The following CUZD1 variants were observed in gnomAD, a reference collection of about 807,000 sequenced individuals.
The protein encoded by CUZD1 is CUB and zona pellucida-like domain-containing protein 1.
A neutral mutation model predicts 53.1 loss-of-function variants in CUZD1; 42 were observed. That is an observed-to-expected ratio of 0.79 (90% CI 0.62 to 1.02). The LOEUF (loss-of-function observed/expected upper bound fraction) is 1.02, where lower values mean the gene tolerates loss of function less well. Among genes scored for constraint, CUZD1 ranks in the 50% least tolerant of loss-of-function variants. CUZD1 has a pLI of 0.00. For synonymous variants in CUZD1, 238 were observed against 257.2 expected, an observed-to-expected ratio of 0.93 and a Z score of 0.71; for missense variants, 670 against 715.7, an observed-to-expected ratio of 0.94 and a Z score of 0.73.
intron 1 of CUZD1, among the ~76,000 whole-genome samples, chr10:122,843,822 T>TATATATATATATAC (rs1847385290): frequency 6.8e-6 from 1 of 147,204 alleles, no homozygotes; most frequent in African/African-American, 2.5e-5. Flanking sequence ...TATATATATA[T>TATATATATATATAC]ATATATATAT....
intron 2 of CUZD1, among the ~76,000 whole-genome samples, chr10:122,840,889 G>T (rs1046731652): frequency 6.6e-6 from 1 of 152,156 alleles, no homozygotes; most frequent in African/African-American, 2.4e-5. Context: ...TTCTAACTCT[G>T]GTCATGCTAT....
chr10:122,832,788 A>C (rs1847179748), intron 8 of CUZD1, among the ~76,000 whole-genome samples: 3 of 152,140 alleles, frequency 2.0e-5, no homozygotes, highest in Non-Finnish European at 4.4e-5. Context: ...TTTTGTCAAC[A>C]GAAAAAAAAA....
rs1847425873 is a variant in CUZD1 at position 122,845,658 on chromosome 10, G to C, written c.82+104C>G. The C allele has an allele frequency of 8.3e-6, 7 of 843,562 alleles. No homozygotes were observed. In the South Asian group the frequency reaches 1.2e-4, roughly 15 times the overall value. The allele number at this position is 843,562 out of a possible 1,614,324, so 52.3% of individuals were successfully genotyped here. ...AGAGCATTAGAGTACATTTTTCTCT[G>C]AACTGGGGCCAACAGATATAAACAC... On this transcript the variant is annotated intron_variant, in intron 1 of 8. Transcript: ENST00000392790.
At position 122,832,319 on chromosome 10, in the gene CUZD1, G is replaced by A. The variant is rs1343804931; in HGVS notation, c.1783C>T (p.Gln595Ter). The change falls in exon 9 of 9, where the codon CAA (glutamine) becomes TAA (stop). Residue 595 changes from glutamine to a stop codon, truncating the protein, a stop_gained. Coordinates refer to ENST00000392790, the MANE Select transcript of CUZD1 (RefSeq NM_022034.6). LOFTEE classifies it high-confidence loss of function. The stretch of plus-strand genomic sequence containing the variant: ...TTCTGGTATTTGTAGTCTGCCCGTT[G>A]ATTTACAAAATGCCTCACTGTGATT... ...ATITVRHFVN[Q>*]RADYKYQKLQ... The A allele has an allele frequency of 3.1e-6, 5 of 1,613,930 alleles. No homozygotes were observed. Among genetic ancestry groups the A allele is most frequent in the Non-Finnish European group, 4.2e-6 (5 of 1,179,962 alleles).
chr10:122,834,916 C>T lies in CUZD1; in HGVS notation c.1172G>A (p.Gly391Asp). The part of the protein sequence containing the change: ...DDVIQSQNAL[G>D]KYNTSMALFE... ...AAGAGCCATGCTGGTGTTATATTTG[C>T]CCAGTGCATTTTGACTTTGTATTAC... is the stretch of plus-strand genomic sequence containing the variant. Residue 391 changes from glycine (G) to aspartate (D), a missense_variant, in exon 7 of 9, where the codon GGC becomes GAC. Physicochemically the swap from Gly to Asp is moderately conservative, Grantham distance 94. Coordinates refer to ENST00000392790, the MANE Select transcript of CUZD1 (RefSeq NM_022034.6). 2 of 1,613,326 alleles carry T rather than the reference C, an allele frequency of 1.2e-6. No individual in the cohort carries two copies. The highest frequency in any genetic ancestry group is 1.7e-6 in the Non-Finnish European group (2 of 1,179,440).
rs767065614 is a variant in CUZD1, at chr10:122,836,995, G to C, written c.653C>G (p.Pro218Arg). Reference sequence around the variant, plus strand: ...TCCAATCAGGCCAGAGTTGGTGGAGGGGCCATCATAGATGGCAAGAAAATC... The same window carrying C: ...TCCAATCAGGCCAGAGTTGGTGGAGCGGCCATCATAGATGGCAAGAAAATC... ...KFDFLAIYDG[P>R]STNSGLIGQV... The change falls in exon 5 of 9, where the codon CCC becomes CGC. Residue 218 changes from proline (P) to arginine (R), a missense_variant. By Grantham distance (103) the Pro-to-Arg change is moderately radical (BLOSUM62 -2). Transcript: ENST00000392790. The C allele has an allele frequency of 2.1e-5, 34 of 1,613,876 alleles. No homozygotes were observed. The highest frequency in any genetic ancestry group is 2.5e-5 in the Non-Finnish European group (30 of 1,179,942).
At position 122,832,280 on chromosome 10, in the gene CUZD1, A is replaced by G. The variant is rs1847173182; in HGVS notation, c.1822T>C (p.Ter608GlnextTer28). Residue 608 changes from the stop codon to glutamine, a stop_lost, in exon 9 of 9, where the codon TAA (stop) becomes CAA (glutamine). Transcript: ENST00000392790. ...DYKYQKLQNY[*>Q] ...TCACTTAGGGTTGGACCTGTTAGTTAATAGTTCTGCAGCTTCTGGTATTTG... is the reference window on the plus strand; with the variant it reads ...TCACTTAGGGTTGGACCTGTTAGTTGATAGTTCTGCAGCTTCTGGTATTTG... The G allele has an allele frequency of 6.2e-7, 1 of 1,613,974 alleles. No homozygotes were observed. The highest frequency in any genetic ancestry group is 1.1e-5 in the South Asian group (1 of 91,066).
Position 122,837,014 on chromosome 10 carries a change from G to GA in CUZD1, c.633dup (p.Leu212SerfsTer5). 6.2e-7 allele frequency: 1 copy of GA among 1,613,638 alleles called. No homozygotes were observed. Among genetic ancestry groups the GA allele is most frequent in the South Asian group, 1.1e-5 (1 of 91,056 alleles). ...GTGGAGGGGCCATCATAGATGGCAA[G>GA]AAAATCAAATTTGCACTGTTTGTCT... On this transcript the variant is annotated frameshift_variant, in exon 5 of 9. Coordinates refer to ENST00000392790, the MANE Select transcript of CUZD1 (RefSeq NM_022034.6). LOFTEE classifies it high-confidence loss of function.
rs755896246 is a variant in CUZD1, at chr10:122,841,170, C to T, written c.233+8G>A. The stretch of plus-strand genomic sequence containing the variant: ...ATCCCTTATTAGGAAACTAAAGCTT[C>T]TACTTACTGGACATAGGAAAAGATA... On this transcript the variant is annotated splice_region_variant and intron_variant, in intron 2 of 8. Coordinates refer to ENST00000392790, the MANE Select transcript of CUZD1 (RefSeq NM_022034.6). The T allele has an allele frequency of 6.2e-6, 10 of 1,609,336 alleles. No homozygotes were observed. The African/African-American group carries it at 1.3e-4, about 22-fold the overall frequency.
intron 4 of CUZD1, 92 bp from the exon 5 acceptor site, chr10:122,837,140 G>T: frequency 9.1e-7 from 1 of 1,096,888 alleles, no homozygotes; most frequent in Non-Finnish European, 1.3e-6. Context: ...AAGTGATTAT[G>T]GATTTTTTTT....
At chr10:122,837,707 T>A (rs1025978524) in intron 3 of CUZD1, 153 bp from the exon 4 acceptor site, 2 of 690,198 alleles carry the variant, frequency 2.9e-6, no homozygotes, top group Non-Finnish European at 4.5e-6. Flanking sequence ...CATCCTTTTT[T>A]ATCATTGAAA....
chr10:122,837,642 T>C, intron 3 of CUZD1, 88 bp from the exon 4 acceptor site: 1 of 1,228,312 alleles, frequency 8.1e-7, no homozygotes, highest in Non-Finnish European at 1.1e-6. Flanking sequence ...TTAACACATC[T>C]CTCCTGAGTA....
At position 122,835,004 on chromosome 10, in the gene CUZD1, T is replaced by C; in HGVS notation, c.1084A>G (p.Ile362Val). 6.2e-7 allele frequency: 1 copy of C among 1,613,710 alleles called. No homozygotes were observed. Among genetic ancestry groups the C allele is most frequent in the Non-Finnish European group, 8.5e-7 (1 of 1,179,726 alleles). ...VITRQKQLQI[I>V]VKCEMGHNST... ...TTATGTCCCATTTCACACTTCACAATAATCTGGAGTTGTTTCTGACGGGTG... is the reference window on the plus strand; with the variant it reads ...TTATGTCCCATTTCACACTTCACAACAATCTGGAGTTGTTTCTGACGGGTG... The change falls in exon 7 of 9, where the codon ATT (isoleucine) becomes GTT (valine). Residue 362 changes from isoleucine (I) to valine (V), a missense_variant. Coordinates refer to ENST00000392790, the MANE Select transcript of CUZD1 (RefSeq NM_022034.6).
chr10:122,839,425 A>T (rs980744632), intron 2 of CUZD1, among the ~76,000 whole-genome samples, 194 bp from the exon 3 acceptor site: 1 of 152,240 alleles, frequency 6.6e-6, no homozygotes, highest in East Asian at 1.9e-4. Flanking sequence ...TAATGGGCTC[A>T]GGGAGATGAA....
chr10:122,837,040 A>T lies in CUZD1; in HGVS notation c.608T>A (p.Ile203Lys). 6.2e-7 allele frequency: 1 copy of T among 1,610,144 alleles called. No individual in the cohort carries two copies. The highest frequency in any genetic ancestry group is 8.5e-7 in the Non-Finnish European group (1 of 1,176,992). ...KLNFKEIFLE[I>K]DKQCKFDFLA... ...AAAATCAAATTTGCACTGTTTGTCT[A>T]TTTCTAGGCTAGAGAATGAGGGCCT... The change falls in exon 5 of 9, where the codon ATA becomes AAA. Residue 203 changes from isoleucine (I) to lysine (K), a missense_variant. Coordinates refer to ENST00000392790, the MANE Select transcript of CUZD1 (RefSeq NM_022034.6).
chr10:122,836,648 A>C (rs966500194), intron 5 of CUZD1, among the ~76,000 whole-genome samples, 183 bp downstream of exon 5: 2 of 152,186 alleles, frequency 1.3e-5, no homozygotes, highest in African/African-American at 4.8e-5. Context: ...AAAATCATTA[A>C]TTTCCTCTTG....
chr10:122,834,793 T>G lies in CUZD1; in HGVS notation c.1295A>C (p.Asp432Ala). The G allele has an allele frequency of 6.2e-7, 1 of 1,613,848 alleles. No homozygotes were observed. Among genetic ancestry groups the G allele is most frequent in the Non-Finnish European group, 8.5e-7 (1 of 1,179,830 alleles). ...ATCAAGAAACACCACCAAATTTGGATCTGAGGTGTGCAGACTAACTTGAAC... is the reference window on the plus strand; with the variant it reads ...ATCAAGAAACACCACCAAATTTGGAGCTGAGGTGTGCAGACTAACTTGAAC... ...LFVQVSLHTS[D>A]PNLVVFLDTC... The change falls in exon 7 of 9, where the codon GAT becomes GCT. Residue 432 changes from aspartate (D) to alanine (A), a missense_variant. Physicochemically the swap from Asp to Ala is moderately radical, Grantham distance 126. Coordinates refer to ENST00000392790, the MANE Select transcript of CUZD1 (RefSeq NM_022034.6).
In CUZD1 at chr10:122,833,833, T is replaced by C; in HGVS notation, c.1490A>G (p.Gln497Arg). Reference protein sequence around the residue: ...FLRSMSSVYLQCKVLICDSSD... With the variant: ...FLRSMSSVYLRCKVLICDSSD... ...GCTATCACATATCAAAACTTTACAC[T>C]GCAGATACACAGAGCTCATACTTCT... The change falls in exon 8 of 9, where the codon CAG (glutamine) becomes CGG (arginine). Residue 497 changes from glutamine to arginine, a missense_variant. Transcript: ENST00000392790. 3 of 1,614,120 alleles carry C rather than the reference T, an allele frequency of 1.9e-6. No individual in the cohort carries two copies. The highest frequency in any genetic ancestry group is 1.7e-6 in the Non-Finnish European group (2 of 1,179,990).
At chr10:122,845,223 C>T (rs1397290933) in intron 1 of CUZD1, among the ~76,000 whole-genome samples, 7 of 151,988 alleles carry the variant, frequency 4.6e-5, no homozygotes, top group African/African-American at 4.8e-5. Context: ...ACTACAGGCA[C>T]GCATCACCAC....
Sources: gnomAD v4.1 joint callset for allele counts (sites outside exome capture counted in the v4.1 genomes callset) on GRCh38, gnomAD v4.1.1 for gene constraint, MANE v1.5 for transcripts, NCBI Gene and HGNC (gene_info 2026-07-23, HGNC 2026-07-21) for gene names.